The following MEF2C variants were observed in gnomAD, a reference collection of about 807,000 sequenced individuals.
MEF2C encodes myocyte enhancer factor 2C.
Under a neutral mutation model 50.5 loss-of-function variants are expected in MEF2C, and 6 were observed. The observed-to-expected ratio is 0.12, with a 90% CI of 0.07 to 0.23. The LOEUF (loss-of-function observed/expected upper bound fraction) is 0.23. Among genes scored for constraint, MEF2C ranks in the 10% least tolerant of loss-of-function variants. MEF2C has a pLI of 1.00. For synonymous variants in MEF2C, 183 were observed against 228.0 expected (o/e 0.80, Z 1.78); for missense variants, 276 against 605.0 (o/e 0.46, Z 5.70).
chr5:88,779,629 A>G (rs1239884426), intron 3 of MEF2C, among the ~76,000 whole-genome samples: 3 of 140,948 alleles, frequency 2.1e-5, no homozygotes, highest in Admixed American at 7.2e-5. Context: ...GTGTGTGTGT[A>G]CAGCATGAAG....
chr5:88,734,573 T>TTG, intron 6 of MEF2C: 2 of 838,656 alleles, frequency 2.4e-6, no homozygotes, highest in Non-Finnish European at 2.8e-6. Flanking sequence ...TTGTTTTTTT[T>TTG]TTTTTTTTTT....
chr5:88,805,244 C>T (rs767596860), intron 2 of MEF2C, among the ~76,000 whole-genome samples: 34 of 152,260 alleles, frequency 2.2e-4, no homozygotes, highest in Middle Eastern at 3.4e-3. Context: ...ATTGTCTAGT[C>T]TCATGTCATT....
intron 2 of MEF2C, among the ~76,000 whole-genome samples, chr5:88,814,545 A>G (rs1295206856): frequency 6.6e-6 from 1 of 151,978 alleles, no homozygotes; most frequent in Non-Finnish European, 1.5e-5. Flanking sequence ...TCGCTGAAAT[A>G]CAGTAGTATT....
At chr5:88,889,168 A>C (rs759817774) in intron 1 of MEF2C, 5 of 152,296 alleles carry the variant, frequency 3.3e-5, no homozygotes, top group Non-Finnish European at 5.9e-5. Context: ...GACCCAGACG[A>C]GGGACGCCTC....
At chr5:88,783,019 T>G (rs1011865678) in intron 3 of MEF2C, among the ~76,000 whole-genome samples, 2 of 152,246 alleles carry the variant, frequency 1.3e-5, no homozygotes, top group African/African-American at 4.8e-5. Flanking sequence ...CTTTGCATAC[T>G]TGGTTTTTTG....
intron 6 of MEF2C, 163 bp downstream of exon 6, chr5:88,748,907 C>T (rs1398129020): frequency 1.0e-6 from 1 of 985,264 alleles, no homozygotes; most frequent in Non-Finnish European, 1.2e-6. Flanking sequence ...TACTATTTAA[C>T]CACTCCTGCT....
chr5:88,825,454 A>G, intron 1 of MEF2C: 1 of 972,216 alleles, frequency 1.0e-6, no homozygotes, highest in Non-Finnish European at 1.2e-6. Context: ...ATGACCACAC[A>G]GTGCTCATCA....
chr5:88,742,864 T>A, intron 6 of MEF2C: 1 of 985,198 alleles, frequency 1.0e-6, no homozygotes. Context: ...TACCACATGC[T>A]GTAGCTATCT....
chr5:88,862,176 A>G (rs1270082416), intron 1 of MEF2C, among the ~76,000 whole-genome samples: 1 of 152,224 alleles, frequency 6.6e-6, no homozygotes, highest in Non-Finnish European at 1.5e-5. Context: ...TGCTCTTTAC[A>G]TAAAACTTTA....
In MEF2C at chr5:88,720,106, T is replaced by G. The variant is rs1755790334; in HGVS notation, c.*2498A>C. The G allele has an allele frequency of 6.6e-6, 1 of 152,172 alleles. No homozygotes were observed. Among genetic ancestry groups the G allele is most frequent in the African/African-American group, 2.4e-5 (1 of 41,462 alleles). 9.4% of individuals were successfully genotyped at this position (152,172 alleles called of 1,614,324 possible). On this transcript the variant is annotated 3_prime_UTR_variant, in exon 11 of 11. Transcript: ENST00000504921. ...AAGTATTTTGAAATGACAAAGAACA[T>G]TTGTGAAATGTTTGCATATTTTATA...
intron 1 of MEF2C, among the ~76,000 whole-genome samples, chr5:88,898,589 G>C (rs1835338848): frequency 6.6e-6 from 1 of 152,100 alleles, no homozygotes; most frequent in Admixed American, 6.6e-5. Context: ...TGTGACCTCA[G>C]TAATCACCTC....
chr5:88,832,297 T>G (rs1184332405), intron 1 of MEF2C, among the ~76,000 whole-genome samples: 1 of 152,142 alleles, frequency 6.6e-6, no homozygotes, highest in Non-Finnish European at 1.5e-5. Flanking sequence ...TTGCTTATAA[T>G]GATCTTTTAA....
intron 3 of MEF2C, among the ~76,000 whole-genome samples, chr5:88,798,070 C>G (rs1262057832): frequency 1.3e-5 from 2 of 152,068 alleles, no homozygotes; most frequent in Non-Finnish European, 1.5e-5. Context: ...CTCTGGCTGC[C>G]CTTAATATTT....
intron 6 of MEF2C, chr5:88,734,592 T>TAGA: frequency 1.0e-6 from 1 of 961,538 alleles, no homozygotes; most frequent in Non-Finnish European, 1.2e-6. Flanking sequence ...TTTTTTTTTT[T>TAGA]TTTTTTAGCA....
intron 3 of MEF2C, among the ~76,000 whole-genome samples, chr5:88,777,332 G>A (rs1023321188): frequency 3.9e-5 from 6 of 152,002 alleles, no homozygotes; most frequent in African/African-American, 1.5e-4. Context: ...CATGTGCCAG[G>A]GACTGAGCCC....
intron 4 of MEF2C, 142 bp from the exon 5 acceptor site, chr5:88,752,185 C>G: frequency 1.6e-6 from 1 of 625,388 alleles, no homozygotes; most frequent in Non-Finnish European, 2.6e-6. Context: ...GAAGAGCTCT[C>G]AAGACGTTCA....
intron 1 of MEF2C, among the ~76,000 whole-genome samples, chr5:88,903,279 G>C (rs1386821130): frequency 6.6e-6 from 1 of 151,796 alleles, no homozygotes; most frequent in African/African-American, 2.4e-5. Flanking sequence ...GACGCTCTTT[G>C]TAAAGTAATG....
At chr5:88,748,835 CT>C (rs1430671778) in intron 6 of MEF2C, 1 of 985,302 alleles carries the variant, frequency 1.0e-6, no homozygotes, top group Admixed American at 6.1e-5. Flanking sequence ...CCTTAATTCT[CT>C]GCTGACCAGT....
intron 6 of MEF2C, chr5:88,734,577 T>TTTTTTC: frequency 1.1e-6 from 1 of 922,014 alleles, no homozygotes; most frequent in Non-Finnish European, 1.3e-6. Flanking sequence ...TTTTTTTTTT[T>TTTTTTC]TTTTTTTTTT....
Sources: gnomAD v4.1 joint callset for allele counts (sites outside exome capture counted in the v4.1 genomes callset) on GRCh38, gnomAD v4.1.1 for gene constraint, MANE v1.5 for transcripts, NCBI Gene and HGNC (gene_info 2026-07-23, HGNC 2026-07-21) for gene names.